Variants in ARMCX4 observed in about 807,000 individuals in gnomAD.
ARMCX4 encodes the protein armadillo repeat-containing X-linked protein 4.
In ARMCX4, 3 loss-of-function variants were observed where a neutral mutation model predicts 34.7. That is an observed-to-expected ratio of 0.09 (90% CI 0.04 to 0.22). ARMCX4 has a LOEUF of 0.22. Ranked by LOEUF, ARMCX4 falls within the 10% of genes least tolerant of loss-of-function variation. The pLI, the probability that ARMCX4 is intolerant of heterozygous loss-of-function variation, is 1.00. For missense variants in ARMCX4, 1,448 were observed against 1,720.8 expected, an observed-to-expected ratio of 0.84 and a Z score of 2.81; for synonymous variants, 513 against 632.8, an observed-to-expected ratio of 0.81 and a Z score of 2.84.
At chrX:101,463,910 T>G (rs1181314282) in intron 4 of ARMCX4, among the ~76,000 whole-genome samples, 1 of 110,059 alleles carries the variant, frequency 9.1e-6, no homozygotes, top group African/African-American at 3.3e-5. Flanking sequence ...TGCACCACCA[T>G]GCCCGGCTAA....
intron 4 of ARMCX4, among the ~76,000 whole-genome samples, chrX:101,467,942 G>A (rs782404205): frequency 3.6e-5 from 4 of 112,090 alleles, no homozygotes; most frequent in Non-Finnish European, 7.5e-5. Flanking sequence ...TTGGGTGTTA[G>A]TTAAGATGAA....
intron 2 of ARMCX4, among the ~76,000 whole-genome samples, chrX:101,423,500 C>A (rs1429831215): frequency 9.2e-6 from 1 of 108,344 alleles, no homozygotes; most frequent in Non-Finnish European, 1.9e-5. Flanking sequence ...GCCTGTAATC[C>A]CAGCTACTTG....
chrX:101,488,434 C>T lies in ARMCX4; in HGVS notation c.-146-10C>T. 1 of 1,094,493 alleles carries T rather than the reference C, an allele frequency of 9.1e-7. No homozygotes were observed. The highest frequency in any genetic ancestry group is 3.3e-5 in the East Asian group (1 of 30,288). The allele number at this position is 1,094,493 out of a possible 1,213,427, so 90.2% of individuals were successfully genotyped here. A position where few individuals can be genotyped will look rare whatever the true frequency, so the allele number is the denominator to read the frequency against. The stretch of plus-strand genomic sequence containing the variant: ...AGAAATTTTAGTCCATTTCCTTCCT[C>T]CACTTCTAGGTCCACCTCCAGAGGC... On this transcript the variant is annotated splice_polypyrimidine_tract_variant and intron_variant, in intron 5 of 5. Coordinates refer to ENST00000423738, the MANE Select transcript of ARMCX4 (RefSeq NM_001256155.3).
At chrX:101,477,618 G>A (rs556794330) in intron 4 of ARMCX4, among the ~76,000 whole-genome samples, 2 of 108,689 alleles carry the variant, frequency 1.8e-5, no homozygotes, top group Non-Finnish European at 3.8e-5. Context: ...ACTTCCTAAC[G>A]CATTTCATAA....
Position 101,494,071 on chromosome X carries a change from G to GAGGTT in ARMCX4, c.5482_5483insAGGTT (p.Gly1828GlufsTer36), listed in dbSNP as rs1934103542. 1 of 1,003,315 alleles carries GAGGTT rather than the reference G, an allele frequency of 1.0e-6. No individual in the cohort carries two copies. Among genetic ancestry groups the GAGGTT allele is most frequent in the Non-Finnish European group, 1.3e-6 (1 of 761,256 alleles). The allele number at this position is 1,003,315 out of a possible 1,213,427, so 82.7% of individuals were successfully genotyped here. ...TGGGGCTGAGGCTGGGGCTGGGGCT[G>GAGGTT]GGGCTGAGGCTGGGGCTGAGGCTGG... is the stretch of plus-strand genomic sequence containing the variant. On this transcript the variant is annotated frameshift_variant, in exon 6 of 6. Coordinates refer to ENST00000423738, the MANE Select transcript of ARMCX4 (RefSeq NM_001256155.3). LOFTEE classifies it high-confidence loss of function.
intron 11 of ARMCX4, among the ~76,000 whole-genome samples, chrX:101,523,033 T>C (rs782632115): frequency 8.9e-6 from 1 of 111,794 alleles, no homozygotes; most frequent in African/African-American, 3.3e-5. Context: ...TTAGGAAGGC[T>C]ATGTACATAT....
rs986978538 is a variant in ARMCX4, at chrX:101,491,412, G to A, written c.2823G>A (p.Gly941=). 2.6e-5 allele frequency: 30 copies of A among 1,156,224 alleles called. No homozygotes were observed. Among genetic ancestry groups the A allele is most frequent in the Non-Finnish European group, 3.3e-5 (29 of 873,063 alleles). Residue 941 remains glycine, a synonymous_variant, in exon 6 of 6, where the codon GGG becomes GGA. Transcript: ENST00000423738. The part of the protein sequence containing the change: ...NSNAISKAEA[G]AGIMGSVQVQ... ...ATGCTATTTCTAAGGCAGAGGCTGGGGCAGGCATAATGGGCTCTGTCCAGG... is the reference window on the plus strand; with the variant it reads ...ATGCTATTTCTAAGGCAGAGGCTGGAGCAGGCATAATGGGCTCTGTCCAGG...
chrX:101,460,132 A>G (rs990692868), intron 4 of ARMCX4, among the ~76,000 whole-genome samples: 5 of 112,996 alleles, frequency 4.4e-5, no homozygotes, highest in African/African-American at 6.4e-5. Context: ...TACAAGGTAC[A>G]TAGAGAATTG....
At chrX:101,421,462 T>C (rs1555990091) in intron 2 of ARMCX4, among the ~76,000 whole-genome samples, 1 of 111,273 alleles carries the variant, frequency 9.0e-6, no homozygotes, top group East Asian at 2.8e-4. Context: ...GAGTGTGATA[T>C]TGTGAAGTAC....
intron 7 of ARMCX4, among the ~76,000 whole-genome samples, chrX:101,504,437 GT>G (rs1556014610): frequency 5.9e-5 from 6 of 101,342 alleles, no homozygotes; most frequent in African/African-American, 2.6e-4. Flanking sequence ...ATAAGTTTGT[GT>G]GTGTGTGTGT....
chrX:101,435,860 A>G (rs1273302318), intron 2 of ARMCX4, among the ~76,000 whole-genome samples: 1 of 110,742 alleles, frequency 9.0e-6, no homozygotes, highest in Non-Finnish European at 1.9e-5. Context: ...CTTTCTACAT[A>G]TGGCTAGCCA....
intron 11 of ARMCX4, among the ~76,000 whole-genome samples, chrX:101,521,951 T>A (rs1934863154): frequency 9.0e-6 from 1 of 111,676 alleles, no homozygotes; most frequent in Admixed American, 9.6e-5. Flanking sequence ...GTTCCATGTG[T>A]CCTTGAGAAG....
chrX:101,440,922 C>T (rs781789001), intron 2 of ARMCX4, among the ~76,000 whole-genome samples: 3 of 111,370 alleles, frequency 2.7e-5, no homozygotes, highest in African/African-American at 6.5e-5. Context: ...TTGTACTTCC[C>T]GGGTGAGGCG....
At position 101,491,490 on chromosome X, in the gene ARMCX4, G is replaced by C. The variant is rs1933978077; in HGVS notation, c.2901G>C (p.Lys967Asn). ...QGEVLPGAKN[K>N]VRGNSNAVPK... Reference sequence around the variant, plus strand: ...AGGTCTTGCCTGGGGCCAAAAATAAGGTCAGGGGCAATTCCAATGCTGTGC... The same window carrying C: ...AGGTCTTGCCTGGGGCCAAAAATAACGTCAGGGGCAATTCCAATGCTGTGC... The change falls in exon 6 of 6, where the codon AAG (lysine) becomes AAC (asparagine). Residue 967 changes from lysine to asparagine, a missense_variant. Around this residue, in one of 2 missense-constraint regions of ARMCX4, gnomAD observed 1,343 missense variants for 1,540.7 expected, o/e 0.87. Coordinates refer to ENST00000423738, the MANE Select transcript of ARMCX4 (RefSeq NM_001256155.3). 4 of 1,156,437 alleles carry C rather than the reference G, an allele frequency of 3.5e-6. No individual in the cohort carries two copies. In the Middle Eastern group the frequency reaches 7.0e-4, roughly 202 times the overall value.
intron 2 of ARMCX4, among the ~76,000 whole-genome samples, chrX:101,431,930 A>G (rs1304496911): frequency 8.9e-6 from 1 of 112,338 alleles, no homozygotes; most frequent in Non-Finnish European, 1.9e-5. Flanking sequence ...ATGTAGTAAC[A>G]GTGTTTTCTT....
upstream of ARMCX4, among the ~76,000 whole-genome samples, chrX:101,482,611 G>T (rs952872908): frequency 1.5e-4 from 17 of 110,215 alleles, no homozygotes; most frequent in Non-Finnish European, 2.6e-4. Flanking sequence ...ACCTATGTAG[G>T]GTGGTCTCAA....
At chrX:101,438,340 G>A (rs1484050291) in intron 2 of ARMCX4, among the ~76,000 whole-genome samples, 10 of 111,748 alleles carry the variant, frequency 8.9e-5, no homozygotes, top group East Asian at 2.8e-4. Context: ...TGAAGTGGGC[G>A]GATCACGAGG....
downstream of ARMCX4, among the ~76,000 whole-genome samples, chrX:101,450,354 A>G (rs1207880279): frequency 8.9e-6 from 1 of 112,105 alleles, no homozygotes; most frequent in African/African-American, 3.2e-5. Context: ...CTGCCACCAC[A>G]GGCCCATGGG....
chrX:101,473,196 C>A (rs1244016257), intron 4 of ARMCX4, among the ~76,000 whole-genome samples: 1 of 110,404 alleles, frequency 9.1e-6, no homozygotes, highest in Non-Finnish European at 1.9e-5. Flanking sequence ...CAACAAAGAT[C>A]AAAAGAGACA....
Sources: gnomAD v4.1 joint callset for allele counts (sites outside exome capture counted in the v4.1 genomes callset) on GRCh38, gnomAD v4.1.1 for gene constraint, gnomAD v4.1.1 regional missense constraint, MANE v1.5 for transcripts, NCBI Gene and HGNC (gene_info 2026-07-23, HGNC 2026-07-21) for gene names.